INPP5A: variants seen among roughly 807,000 people sequenced by gnomAD.
The protein encoded by INPP5A is inositol polyphosphate-5-phosphatase A, also known as 43 kDa inositol polyphosphate 5-phophatase.
A neutral mutation model predicts 65.2 loss-of-function variants in INPP5A; 14 were observed. The ratio of observed to expected loss-of-function variants is 0.21; its 90% CI spans 0.14 to 0.34. INPP5A has a LOEUF of 0.34. Among genes scored for constraint, INPP5A ranks in the 10% least tolerant of loss-of-function variants. INPP5A has a pLI of 1.00. For missense variants in INPP5A, 431 were observed against 545.6 expected (o/e 0.79, Z 2.09); for synonymous variants, 207 against 208.3 (o/e 0.99, Z 0.05).
chr10:132,664,669 A>C (rs949229270), intron 4 of INPP5A, among the ~76,000 whole-genome samples: 1 of 152,348 alleles, frequency 6.6e-6, no homozygotes, highest in Non-Finnish European at 1.5e-5. Flanking sequence ...GCTCCCCATC[A>C]GCAGCAGCCC....
chr10:132,708,583 CA>C, intron 7 of INPP5A: 4 of 681,994 alleles, frequency 5.9e-6, no homozygotes, highest in South Asian at 3.0e-5. Flanking sequence ...TCTGGGTGCC[CA>C]GTGCCAATGG....
At chr10:132,540,382 G>A (rs1166457477) in intron 1 of INPP5A, among the ~76,000 whole-genome samples, 3 of 152,210 alleles carry the variant, frequency 2.0e-5, no homozygotes, top group Non-Finnish European at 4.4e-5. Context: ...TTTGCATTAT[G>A]TTTATGTTTA....
chr10:132,580,766 A>G (rs1256991606), intron 1 of INPP5A, among the ~76,000 whole-genome samples: 1 of 152,164 alleles, frequency 6.6e-6, no homozygotes, highest in African/African-American at 2.4e-5. Context: ...GTTTTAGCAC[A>G]TTTTCCTCTG....
intron 2 of INPP5A, among the ~76,000 whole-genome samples, chr10:132,629,607 G>C (rs920334480): frequency 1.3e-5 from 2 of 152,266 alleles, no homozygotes; most frequent in African/African-American, 4.8e-5. Context: ...TGTGGAATGA[G>C]TGTTCACTTG....
chr10:132,726,514 GCT>G (rs1474592118), intron 8 of INPP5A, among the ~76,000 whole-genome samples: 1 of 152,194 alleles, frequency 6.6e-6, no homozygotes, highest in Non-Finnish European at 1.5e-5. Flanking sequence ...CATGCGTGAG[GCT>G]CTCACGCTGC....
intron 8 of INPP5A, among the ~76,000 whole-genome samples, chr10:132,718,960 C>T (rs1202330008): frequency 1.4e-5 from 2 of 147,246 alleles, no homozygotes; most frequent in South Asian, 2.2e-4. Context: ...GCGCCTTAGA[C>T]GACTGTCTTG....
chr10:132,758,909 G>A (rs368952997), intron 11 of INPP5A, among the ~76,000 whole-genome samples: 3 of 152,214 alleles, frequency 2.0e-5, no homozygotes, highest in African/African-American at 7.2e-5. Flanking sequence ...GTTGGATTCA[G>A]ACCCGCGTTC....
chr10:132,740,547 C>T (rs550800741), intron 9 of INPP5A, among the ~76,000 whole-genome samples: 8 of 152,146 alleles, frequency 5.3e-5, no homozygotes, highest in East Asian at 1.9e-4. Context: ...AAACTGAAGC[C>T]GTAATGATTT....
intron 1 of INPP5A, among the ~76,000 whole-genome samples, chr10:132,599,659 C>T (rs1461835353): frequency 6.6e-6 from 1 of 152,222 alleles, no homozygotes; most frequent in African/African-American, 2.4e-5. Flanking sequence ...GGGCTCTGAC[C>T]CCACATTACC....
At chr10:132,699,488 G>A (rs1238064659) in intron 6 of INPP5A, among the ~76,000 whole-genome samples, 1 of 152,210 alleles carries the variant, frequency 6.6e-6, no homozygotes. Flanking sequence ...GACCCATGTG[G>A]CTGCATTGCT....
intron 9 of INPP5A, among the ~76,000 whole-genome samples, chr10:132,732,147 AC>A (rs1207452526): frequency 1.2e-4 from 18 of 152,348 alleles, no homozygotes; most frequent in Middle Eastern, 3.4e-3. Context: ...CCATGCAGTT[AC>A]CAGGCCCTGG....
intron 8 of INPP5A, among the ~76,000 whole-genome samples, chr10:132,720,533 C>T (rs952721907): frequency 6.7e-5 from 10 of 149,556 alleles, no homozygotes; most frequent in South Asian, 2.1e-4. Context: ...TGGGTTCTGT[C>T]TGGGCACCTT....
At chr10:132,702,193 G>T (rs1845448767) in intron 6 of INPP5A, among the ~76,000 whole-genome samples, 1 of 152,248 alleles carries the variant, frequency 6.6e-6, no homozygotes. Flanking sequence ...TTAGAAAATA[G>T]TTGGTTATGA....
In INPP5A at chr10:132,741,073, A is replaced by G. The variant is rs1442589114; in HGVS notation, c.733-8444A>G. 6.6e-6 allele frequency among the ~76,000 whole-genome samples: 1 copy of G among 152,186 alleles called. No homozygotes were observed. The highest frequency in any genetic ancestry group is 1.5e-5 in the Non-Finnish European group (1 of 68,024). On this transcript the variant is annotated intron_variant, in intron 9 of 15. Coordinates refer to ENST00000368594, the MANE Select transcript of INPP5A (RefSeq NM_005539.5). The surrounding 1 kb of genome is among the most constrained non-coding windows in gnomAD (Gnocchi z 4.4). The stretch of plus-strand genomic sequence containing the variant: ...GGAGTCCCCGTCTCTACAGAAAATA[A>G]GAAAGTAAAATTAGCCAGGCATTGT...
At position 132,762,133 on chromosome 10, in the gene INPP5A, T is replaced by G. The variant is rs1846744999; in HGVS notation, c.904-3640T>G. Among the ~76,000 whole-genome samples, 1 of 151,450 alleles carries G rather than the reference T, an allele frequency of 6.6e-6. No homozygotes were observed. Among genetic ancestry groups the G allele is most frequent in the Non-Finnish European group, 1.5e-5 (1 of 67,904 alleles). ...AACGTGGCAGGATGGGACAGGAGGG[T>G]CGGGGCTGGGAGAGGAGGGAAGAGC... On this transcript the variant is annotated intron_variant, in intron 11 of 15. Transcript: ENST00000368594. This position sits in a 1 kb window ranked among gnomAD's most constrained non-coding sequence, Gnocchi z 4.6.
chr10:132,776,391 G>T (rs1166544894), intron 12 of INPP5A, among the ~76,000 whole-genome samples: 1 of 151,106 alleles, frequency 6.6e-6, no homozygotes, highest in African/African-American at 2.4e-5. Context: ...TGGGCACAGG[G>T]CCCACAGGCG....
At chr10:132,592,556 C>T (rs535139666) in intron 1 of INPP5A, among the ~76,000 whole-genome samples, 16 of 152,256 alleles carry the variant, frequency 1.1e-4, no homozygotes, top group South Asian at 4.1e-4. Flanking sequence ...GCTGGGACTA[C>T]AGGCGGGCGC....
rs140193152 is a variant in INPP5A, at chr10:132,565,719, TTG to T, written c.75+27569_75+27570del. On this transcript the variant is annotated intron_variant, in intron 1 of 15. Transcript: ENST00000368594. The stretch of plus-strand genomic sequence containing the variant: ...TGTGTATGTGAATGTGTGCCTGAGT[TTG>T]TGTGTGTGTGTGTGTGTGTGCGCCG... 5.4e-3 allele frequency among the ~76,000 whole-genome samples: 792 copies of T among 145,846 alleles called. 4 individuals are homozygous for T. The highest frequency in any genetic ancestry group is 0.016 in the African/African-American group (635 of 39,862).
chr10:132,563,372 G>A (rs764210919), intron 1 of INPP5A, among the ~76,000 whole-genome samples: 56 of 152,192 alleles, frequency 3.7e-4, no homozygotes, highest in Non-Finnish European at 8.8e-5. Flanking sequence ...TGCTGCGGGA[G>A]CCTTTTCTGT....
Sources: allele counts gnomAD v4.1 joint callset (sites outside exome capture counted in the v4.1 genomes callset), GRCh38; gene constraint gnomAD v4.1.1; non-coding constraint Gnocchi (gnomAD v3.1); transcripts MANE v1.5; gene names NCBI Gene and HGNC (gene_info 2026-07-23, HGNC 2026-07-21).